The following EPHA3 variants were observed in gnomAD, a reference collection of about 807,000 sequenced individuals.
EPHA3 encodes the protein EPH receptor A3.
In EPHA3, 42 loss-of-function variants were observed where a neutral mutation model predicts 107.1. The ratio of observed to expected loss-of-function variants is 0.39; its 90% CI spans 0.31 to 0.51. EPHA3 has a LOEUF of 0.51. Among genes scored for constraint, EPHA3 ranks in the 20% least tolerant of loss-of-function variants. The pLI is 0.78. For missense variants in EPHA3, 1,183 were observed against 1,211.2 expected, an observed-to-expected ratio of 0.98 and a Z score of 0.35; for synonymous variants, 461 against 424.8, an observed-to-expected ratio of 1.09 and a Z score of -1.05.
At chr3:89,343,467 C>A (rs926249735) in intron 5 of EPHA3, among the ~76,000 whole-genome samples, 2 of 152,188 alleles carry the variant, frequency 1.3e-5, no homozygotes, top group African/African-American at 4.8e-5. Context: ...CATCTCCATT[C>A]TCCCCATCAT....
chr3:89,429,374 T>A (rs554857256), intron 12 of EPHA3, among the ~76,000 whole-genome samples: 18 of 152,262 alleles, frequency 1.2e-4, no homozygotes, highest in African/African-American at 3.4e-4. Flanking sequence ...TAAAACAAAT[T>A]TGTGAGTTCT....
intron 5 of EPHA3, among the ~76,000 whole-genome samples, chr3:89,389,111 C>A (rs1359070443): frequency 2.6e-5 from 4 of 152,066 alleles, no homozygotes; most frequent in South Asian, 2.1e-4. Flanking sequence ...AGATTTTGAA[C>A]TGGATACACT....
chr3:89,219,854 G>A (rs1165197357), intron 3 of EPHA3, among the ~76,000 whole-genome samples: 2 of 145,922 alleles, frequency 1.4e-5, no homozygotes, highest in East Asian at 2.0e-4. Flanking sequence ...GACTACAGGC[G>A]CCCGCCACTA....
At chr3:89,171,722 G>A (rs1705213225) in intron 2 of EPHA3, among the ~76,000 whole-genome samples, 1 of 152,100 alleles carries the variant, frequency 6.6e-6, no homozygotes, top group Non-Finnish European at 1.5e-5. Flanking sequence ...AAAAAAATAT[G>A]ATATCATCCC....
intron 3 of EPHA3, among the ~76,000 whole-genome samples, chr3:89,338,885 C>T (rs1559652654): frequency 2.6e-5 from 4 of 152,150 alleles, no homozygotes; most frequent in Admixed American, 6.5e-5. Flanking sequence ...AAAAGAGAGT[C>T]ACATAATCAC....
chr3:89,203,970 C>G (rs1344385674), intron 2 of EPHA3, among the ~76,000 whole-genome samples: 2 of 151,970 alleles, frequency 1.3e-5, no homozygotes, highest in African/African-American at 2.4e-5. Context: ...ACAGAAGGGA[C>G]AACATACTCA....
chr3:89,284,936 GGCCA>G lies in EPHA3; in HGVS notation c.815-55979_815-55976del, dbSNP rs572210404. Among the ~76,000 whole-genome samples, 23 of 152,228 alleles carry G rather than the reference GGCCA, an allele frequency of 1.5e-4. No individual in the cohort carries two copies. The East Asian group carries it at 4.4e-3, about 29-fold the overall frequency. On this transcript the variant is annotated intron_variant, in intron 3 of 16. Transcript: ENST00000336596. ...GAGGTCAGGAGTTTGAAACCAGCCTGGCCAACAGGGTGAAACCCATTTCTACTAA... is the reference window on the plus strand; with the variant it reads ...GAGGTCAGGAGTTTGAAACCAGCCTGACAGGGTGAAACCCATTTCTACTAA...
rs192249246 is a variant in EPHA3 at position 89,181,271 on chromosome 3, C to G, written c.154-28589C>G. ...CATGTTGAAGACCACAGAAGAATTT[C>G]TGAGTTAATTTCCAGTTGAGCAAAT... On this transcript the variant is annotated intron_variant, in intron 2 of 16. Coordinates refer to ENST00000336596, the MANE Select transcript of EPHA3 (RefSeq NM_005233.6). 1.5e-3 allele frequency among the ~76,000 whole-genome samples: 229 copies of G among 152,028 alleles called. 1 individual carries two copies. The highest frequency in any genetic ancestry group is 5.3e-3 in the African/African-American group (221 of 41,530).
At chr3:89,353,755 A>T (rs1032280483) in intron 5 of EPHA3, among the ~76,000 whole-genome samples, 1 of 151,324 alleles carries the variant, frequency 6.6e-6, no homozygotes, top group Non-Finnish European at 1.5e-5. Context: ...AGCAAAAACC[A>T]TATATTGTCC....
chr3:89,378,200 G>A lies in EPHA3; in HGVS notation c.1307-17637G>A, dbSNP rs186460150. ...TGGGTTCAGCAAACCACCATAGCAC[G>A]TGTATACCTATGCAACAAAGGGGGA... On this transcript the variant is annotated intron_variant, in intron 5 of 16. Transcript: ENST00000336596. Among the ~76,000 whole-genome samples, 4 of 151,996 alleles carry A rather than the reference G, an allele frequency of 2.6e-5. No individual in the cohort carries two copies. In the East Asian group the frequency reaches 7.7e-4, roughly 29 times the overall value.
intron 2 of EPHA3, among the ~76,000 whole-genome samples, chr3:89,165,562 T>C (rs1705043616): frequency 3.3e-5 from 5 of 152,202 alleles, no homozygotes; most frequent in Admixed American, 2.6e-4. Context: ...CTCCATATTG[T>C]AGTCAAAATG....
intron 5 of EPHA3, among the ~76,000 whole-genome samples, chr3:89,379,218 G>A (rs113255336): frequency 9.9e-5 from 15 of 152,170 alleles, no homozygotes; most frequent in Non-Finnish European, 4.4e-5. Context: ...ATATGGGGCA[G>A]AGAAAGAGTA....
chr3:89,342,944 G>C (rs570366714), intron 5 of EPHA3, among the ~76,000 whole-genome samples: 3 of 151,868 alleles, frequency 2.0e-5, no homozygotes, highest in South Asian at 4.2e-4. Context: ...ATGCCACTCT[G>C]ATTCTCCAGA....
chr3:89,120,938 A>G (rs754686862), intron 1 of EPHA3, among the ~76,000 whole-genome samples: 2 of 152,222 alleles, frequency 1.3e-5, no homozygotes, highest in Non-Finnish European at 2.9e-5. Context: ...ACATGGCAGC[A>G]TTTAAAAAAT....
chr3:89,416,188 T>C (rs965171123), intron 10 of EPHA3, among the ~76,000 whole-genome samples: 1 of 151,410 alleles, frequency 6.6e-6, no homozygotes, highest in Non-Finnish European at 1.5e-5. Flanking sequence ...TGAGCAGCTT[T>C]TACATTGTGC....
chr3:89,211,997 C>T (rs1704112252), intron 3 of EPHA3, among the ~76,000 whole-genome samples: 2 of 151,678 alleles, frequency 1.3e-5, no homozygotes, highest in African/African-American at 2.4e-5. Flanking sequence ...AAACAAACTC[C>T]AAGAAGCACC....
chr3:89,252,282 A>G (rs999663750), intron 3 of EPHA3, among the ~76,000 whole-genome samples: 8 of 152,202 alleles, frequency 5.3e-5, no homozygotes, highest in African/African-American at 1.9e-4. Context: ...GACCATATTT[A>G]AACATATATT....
chr3:89,398,714 G>A (rs1708897190), intron 6 of EPHA3, among the ~76,000 whole-genome samples: 2 of 152,154 alleles, frequency 1.3e-5, no homozygotes. Flanking sequence ...ACTTTGAAGA[G>A]AACATATCTT....
At chr3:89,144,640 T>G (rs1704496496) in intron 2 of EPHA3, among the ~76,000 whole-genome samples, 1 of 151,814 alleles carries the variant, frequency 6.6e-6, no homozygotes, top group African/African-American at 2.4e-5. Context: ...TCTTTTACAT[T>G]TCTTGTTATT....
Sources: gnomAD v4.1 joint callset for allele counts (sites outside exome capture counted in the v4.1 genomes callset) on GRCh38, gnomAD v4.1.1 for gene constraint, MANE v1.5 for transcripts, NCBI Gene and HGNC (gene_info 2026-07-23, HGNC 2026-07-21) for gene names.